GBE1: variants seen among roughly 807,000 people sequenced by gnomAD.
GBE1 encodes 1,4-alpha-glucan branching enzyme 1, also known as 1,4-alpha-glucan-branching enzyme.
Under a neutral mutation model 88.8 loss-of-function variants are expected in GBE1, and 70 were observed. The observed-to-expected ratio is 0.79, with a 90% CI of 0.65 to 0.96. The LOEUF (loss-of-function observed/expected upper bound fraction) is 0.96. Ranked by LOEUF, GBE1 falls within the 40% of genes least tolerant of loss-of-function variation. GBE1 has a pLI of 0.00. For synonymous variants in GBE1, 284 were observed against 300.1 expected (o/e 0.95, Z 0.56); for missense variants, 872 against 871.0 (o/e 1.00, Z -0.01).
At chr3:81,553,536 T>C (rs527463844) in intron 12 of GBE1, among the ~76,000 whole-genome samples, 4 of 151,842 alleles carry the variant, frequency 2.6e-5, no homozygotes, top group Admixed American at 6.6e-5. Context: ...ATAAAGTCAA[T>C]GATGTCTGCT....
At chr3:81,757,804 AG>A (rs1296753451) in intron 1 of GBE1, among the ~76,000 whole-genome samples, 1 of 152,226 alleles carries the variant, frequency 6.6e-6, no homozygotes, top group Non-Finnish European at 1.5e-5. Context: ...CAAGATAAGG[AG>A]AAAGATCTAG....
chr3:81,600,650 T>A (rs1704019725), intron 7 of GBE1, among the ~76,000 whole-genome samples: 4 of 152,194 alleles, frequency 2.6e-5, no homozygotes, highest in Admixed American at 2.6e-4. Context: ...ACAACAGGAT[T>A]TTCCTTCACT....
chr3:81,693,889 G>GA lies in GBE1; in HGVS notation c.313+11554dup, dbSNP rs548462505. Among the ~76,000 whole-genome samples the GA allele has an allele frequency of 2.1e-3, 324 of 151,396 alleles. 1 individual carries two copies. The highest frequency in any genetic ancestry group is 3.5e-3 in the South Asian group (17 of 4,804). On this transcript the variant is annotated intron_variant, in intron 2 of 15. Transcript: ENST00000429644. ...TTTAAGATCATATTCTGTAACTACA[G>GA]AAAAAAAAGGAAGAGAATAAAACTT...
At chr3:81,721,512 A>G (rs894794802) in intron 1 of GBE1, among the ~76,000 whole-genome samples, 3 of 152,164 alleles carry the variant, frequency 2.0e-5, no homozygotes, top group African/African-American at 7.2e-5. Context: ...GTGAACTCAC[A>G]TAGGCACCTC....
At chr3:81,547,141 G>A (rs181136491) in intron 12 of GBE1, among the ~76,000 whole-genome samples, 42 of 151,468 alleles carry the variant, frequency 2.8e-4, no homozygotes, top group African/African-American at 7.7e-4. Context: ...AGTGAAGAGT[G>A]GGATTGCATT....
At chr3:81,573,199 A>C (rs1703598022) in intron 12 of GBE1, among the ~76,000 whole-genome samples, 1 of 152,192 alleles carries the variant, frequency 6.6e-6, no homozygotes, top group Non-Finnish European at 1.5e-5. Context: ...TTTTCATTAA[A>C]CTTGCCAATC....
chr3:81,685,605 CT>C (rs1482941407), intron 2 of GBE1, among the ~76,000 whole-genome samples: 4 of 152,252 alleles, frequency 2.6e-5, no homozygotes, highest in South Asian at 2.1e-4. Flanking sequence ...TAGTCTTGAA[CT>C]CCTGATCTCA....
chr3:81,745,992 TAGATA>T (rs1706415355), intron 1 of GBE1, among the ~76,000 whole-genome samples: 1 of 152,178 alleles, frequency 6.6e-6, no homozygotes, highest in Non-Finnish European at 1.5e-5. Flanking sequence ...TAATTTCATT[TAGATA>T]AAAGAAACTA....
At chr3:81,608,692 T>G (rs1190958415) in intron 7 of GBE1, among the ~76,000 whole-genome samples, 1 of 152,156 alleles carries the variant, frequency 6.6e-6, no homozygotes, top group Non-Finnish European at 1.5e-5. Context: ...CTGCTGGCAG[T>G]CTGCATGCTG....
At chr3:81,593,102 C>T (rs1703903288) in intron 8 of GBE1, among the ~76,000 whole-genome samples, 1 of 152,004 alleles carries the variant, frequency 6.6e-6, no homozygotes, top group African/African-American at 2.4e-5. Context: ...GTGGCTCACT[C>T]CTGCAATCCC....
At chr3:81,538,417 A>AG (rs1432463613) in intron 12 of GBE1, among the ~76,000 whole-genome samples, 227 of 152,152 alleles carry the variant, frequency 1.5e-3, no homozygotes, top group African/African-American at 5.3e-3. Flanking sequence ...CTTAAAAATT[A>AG]ATAAGTGTCT....
At chr3:81,636,599 C>T (rs199586158) in intron 7 of GBE1, among the ~76,000 whole-genome samples, 1 of 151,042 alleles carries the variant, frequency 6.6e-6, no homozygotes, top group East Asian at 1.9e-4. Flanking sequence ...GGCGCAATCT[C>T]GGCTCACTGC....
chr3:81,516,917 CT>C (rs1702805647), intron 14 of GBE1, among the ~76,000 whole-genome samples: 1 of 151,544 alleles, frequency 6.6e-6, no homozygotes, highest in African/African-American at 2.4e-5. Flanking sequence ...TGAGGAATTG[CT>C]TCTTACAGAT....
chr3:81,595,251 G>A (rs1703941435), intron 7 of GBE1, among the ~76,000 whole-genome samples: 2 of 151,614 alleles, frequency 1.3e-5, no homozygotes, highest in African/African-American at 2.4e-5. Flanking sequence ...ATAATTCCAT[G>A]TTCATACGGT....
chr3:81,593,387 A>ATAATAATAATAATAC (rs1004903142), intron 8 of GBE1, among the ~76,000 whole-genome samples: 2 of 148,990 alleles, frequency 1.3e-5, no homozygotes, highest in African/African-American at 2.5e-5. Context: ...AATAATAATA[A>ATAATAATAATAATAC]TAATAATAAT....
In GBE1 at chr3:81,755,327, G is replaced by A. The variant is rs921176583; in HGVS notation, c.143+6048C>T. Among the ~76,000 whole-genome samples the A allele has an allele frequency of 7.2e-5, 11 of 152,060 alleles. No homozygotes were observed. In the East Asian group the frequency reaches 2.1e-3, roughly 29 times the overall value. Reference sequence around the variant, plus strand: ...AAAACATGGGCAGTAACAGATGCTGGTTAGGATGTGCAGAAAGGGAACACT... The same window carrying A: ...AAAACATGGGCAGTAACAGATGCTGATTAGGATGTGCAGAAAGGGAACACT... On this transcript the variant is annotated intron_variant, in intron 1 of 15. Coordinates refer to ENST00000429644, the MANE Select transcript of GBE1 (RefSeq NM_000158.4).
intron 14 of GBE1, among the ~76,000 whole-genome samples, chr3:81,533,886 C>A (rs1703040718): frequency 6.6e-6 from 1 of 152,002 alleles, no homozygotes; most frequent in South Asian, 2.1e-4. Flanking sequence ...CAGGTGCCAC[C>A]ATTTGGACAT....
intron 10 of GBE1, among the ~76,000 whole-genome samples, chr3:81,582,020 T>C (rs528543288): frequency 6.6e-6 from 1 of 152,210 alleles, no homozygotes; most frequent in South Asian, 2.1e-4. Context: ...TGCTTTATAT[T>C]GTTTTGTTTC....
chr3:81,668,522 A>C (rs913537538), intron 3 of GBE1, among the ~76,000 whole-genome samples: 1 of 152,182 alleles, frequency 6.6e-6, no homozygotes, highest in Non-Finnish European at 1.5e-5. Flanking sequence ...GTTAGCTGTC[A>C]ATGGGAAACA....
Sources: gnomAD v4.1 joint callset for allele counts (sites outside exome capture counted in the v4.1 genomes callset) on GRCh38, gnomAD v4.1.1 for gene constraint, MANE v1.5 for transcripts, NCBI Gene and HGNC (gene_info 2026-07-23, HGNC 2026-07-21) for gene names.